Variants in ATP2B1 observed in about 807,000 individuals in gnomAD.
ATP2B1 encodes ATPase plasma membrane Ca2+ transporting 1, also known as plasma membrane calcium-transporting ATPase 1.
In ATP2B1, 14 loss-of-function variants were observed where a neutral mutation model predicts 124.2. The ratio of observed to expected loss-of-function variants is 0.11; its 90% CI spans 0.07 to 0.18. ATP2B1 has a LOEUF of 0.18. Among genes scored for constraint, ATP2B1 ranks in the 10% least tolerant of loss-of-function variants. The pLI, the probability that ATP2B1 is intolerant of heterozygous loss-of-function variation, is 1.00. For synonymous variants in ATP2B1, 449 were observed against 492.4 expected (o/e 0.91, Z 1.17); for missense variants, 763 against 1,466.1 (o/e 0.52, Z 7.83).
intron 2 of ATP2B1, among the ~76,000 whole-genome samples, chr12:89,649,347 C>T (rs1884937169): frequency 6.6e-6 from 1 of 152,260 alleles, no homozygotes; most frequent in Non-Finnish European, 1.5e-5. Flanking sequence ...CTTGGGACAT[C>T]GCCCTTTGTA....
chr12:89,636,509 A>G (rs1162620964), intron 3 of ATP2B1, among the ~76,000 whole-genome samples: 1 of 152,206 alleles, frequency 6.6e-6, no homozygotes, highest in Non-Finnish European at 1.5e-5. Context: ...TTGAATTGAA[A>G]TGTCTGAAAG....
Position 89,645,850 on chromosome 12 carries a change from C to A in ATP2B1, c.209-3495G>T, listed in dbSNP as rs181450563. Among the ~76,000 whole-genome samples, 189 of 152,118 alleles carry A rather than the reference C, an allele frequency of 1.2e-3. 2 individuals are homozygous for A. The highest frequency in any genetic ancestry group is 2.8e-3 in the Admixed American group (43 of 15,278). On this transcript the variant is annotated intron_variant, in intron 2 of 20. Coordinates refer to ENST00000428670, the MANE Select transcript of ATP2B1 (RefSeq NM_001366521.1). ...ATTAAAGCAGAGTAGTGGTAACTAACCTGCATTTTAGAAAAATCACATAAA... is the reference window on the plus strand; with the variant it reads ...ATTAAAGCAGAGTAGTGGTAACTAAACTGCATTTTAGAAAAATCACATAAA...
intron 1 of ATP2B1, among the ~76,000 whole-genome samples, chr12:89,676,701 C>T (rs577923949): frequency 1.6e-4 from 24 of 152,218 alleles, no homozygotes; most frequent in African/African-American, 5.1e-4. Context: ...TAAGGGAAGA[C>T]ACTTTTACTT....
chr12:89,593,821 C>T (rs534954387), intron 20 of ATP2B1: 21 of 151,944 alleles, frequency 1.4e-4, no homozygotes, highest in African/African-American at 4.6e-4. Flanking sequence ...TTTCTAACCA[C>T]TTCATAAATA....
chr12:89,703,969 C>T (rs1386023913), intron 1 of ATP2B1, among the ~76,000 whole-genome samples: 2 of 152,070 alleles, frequency 1.3e-5, no homozygotes, highest in Non-Finnish European at 2.9e-5. Flanking sequence ...TCAGTAACTC[C>T]CCCAGGTGAT....
intron 9 of ATP2B1, 83 bp downstream of exon 9, chr12:89,624,100 G>A (rs1880447097): frequency 8.1e-7 from 1 of 1,235,986 alleles, no homozygotes; most frequent in South Asian, 1.5e-5. Flanking sequence ...TTCAGAAGCA[G>A]AAAAGGAGTA....
At chr12:89,662,317 A>G (rs1464801039) in intron 1 of ATP2B1, among the ~76,000 whole-genome samples, 2 of 152,202 alleles carry the variant, frequency 1.3e-5, no homozygotes, top group Non-Finnish European at 2.9e-5. Context: ...AAACTTAAAT[A>G]TAAGTGCTTG....
chr12:89,611,628 A>C, intron 12 of ATP2B1: 1 of 327,154 alleles, frequency 3.1e-6, no homozygotes, highest in Non-Finnish European at 5.5e-6. Context: ...TGCAGTATTT[A>C]TTTACAGAAG....
intron 1 of ATP2B1, among the ~76,000 whole-genome samples, chr12:89,703,281 C>T (rs1039870701): frequency 5.3e-5 from 8 of 152,036 alleles, no homozygotes; most frequent in African/African-American, 1.9e-4. Flanking sequence ...TAAAATAGTT[C>T]CAAAAGTCAG....
intron 5 of ATP2B1, among the ~76,000 whole-genome samples, chr12:89,631,353 A>G (rs1005542137): frequency 6.6e-6 from 1 of 152,190 alleles, no homozygotes; most frequent in Admixed American, 6.5e-5. Flanking sequence ...TATGAGGGAC[A>G]CTTCTCTGAG....
At chr12:89,621,916 A>G (rs1302280920) in intron 9 of ATP2B1, 125 bp from the exon 10 acceptor site, 1 of 1,065,930 alleles carries the variant, frequency 9.4e-7, no homozygotes, top group Admixed American at 3.3e-5. Flanking sequence ...TACAATGTAT[A>G]AAGTACCAAT....
intron 1 of ATP2B1, among the ~76,000 whole-genome samples, chr12:89,672,381 G>A (rs975159446): frequency 2.6e-5 from 4 of 152,128 alleles, no homozygotes; most frequent in African/African-American, 7.2e-5. Flanking sequence ...TTGAATCTGG[G>A]AGGGAGAGGC....
intron 1 of ATP2B1, among the ~76,000 whole-genome samples, chr12:89,674,970 T>C (rs926117075): frequency 2.0e-5 from 3 of 152,192 alleles, no homozygotes; most frequent in African/African-American, 7.2e-5. Flanking sequence ...GAATCAGATA[T>C]TTGAACACTT....
At chr12:89,706,802 C>A (rs1892504541) in intron 1 of ATP2B1, among the ~76,000 whole-genome samples, 1 of 152,100 alleles carries the variant, frequency 6.6e-6, no homozygotes, top group Non-Finnish European at 1.5e-5. Context: ...TCAACTCACC[C>A]GAATGTGACT....
At chr12:89,619,939 T>C (rs774165753) in intron 11 of ATP2B1, 60 bp downstream of exon 11, 13 of 1,586,868 alleles carry the variant, frequency 8.2e-6, no homozygotes, top group Admixed American at 6.8e-5. Flanking sequence ...AACAACACAG[T>C]AGATACTCCA....
chr12:89,658,840 C>T (rs1239191583), intron 1 of ATP2B1, among the ~76,000 whole-genome samples: 1 of 152,144 alleles, frequency 6.6e-6, no homozygotes, highest in Admixed American at 6.5e-5. Flanking sequence ...TCAATTCCCT[C>T]ACTGTTTAAA....
At chr12:89,629,089 C>G (rs982662007) in intron 6 of ATP2B1, among the ~76,000 whole-genome samples, 1 of 152,198 alleles carries the variant, frequency 6.6e-6, no homozygotes, top group East Asian at 1.9e-4. Context: ...GTATAAGACT[C>G]AGGGGGAAAA....
chr12:89,649,902 A>G (rs112389263), intron 2 of ATP2B1, among the ~76,000 whole-genome samples: 15,817 of 152,108 alleles, frequency 0.1, 1,125 homozygotes, highest in Non-Finnish European at 0.15. Flanking sequence ...GGCTGTTTAA[A>G]AGAGTCTGGG....
intron 1 of ATP2B1, among the ~76,000 whole-genome samples, chr12:89,687,791 T>C (rs1222784768): frequency 6.6e-6 from 1 of 152,114 alleles, no homozygotes; most frequent in Non-Finnish European, 1.5e-5. Context: ...AATATTTACT[T>C]TTTAAACGTT....
Sources: gnomAD v4.1 joint callset for allele counts (sites outside exome capture counted in the v4.1 genomes callset) on GRCh38, gnomAD v4.1.1 for gene constraint, MANE v1.5 for transcripts, NCBI Gene and HGNC (gene_info 2026-07-23, HGNC 2026-07-21) for gene names.